Variants in CRCP observed in about 807,000 individuals in gnomAD.
CRCP encodes the protein DNA-directed RNA polymerase III subunit RPC9.
CRCP carries 18 observed loss-of-function variants against 18.5 expected under a neutral mutation model. That is an observed-to-expected ratio of 0.97 (90% CI 0.67 to 1.44). CRCP has a LOEUF of 1.44. CRCP is among the 40% of genes most tolerant of loss of function. The probability of loss-of-function intolerance (pLI) is 0.00; values close to 1 mark genes in which losing one functional copy is unlikely to be tolerated. For missense variants in CRCP, 130 were observed against 176.4 expected (o/e 0.74, Z 1.49); for synonymous variants, 53 against 62.9 (o/e 0.84, Z 0.75).
chr7:66,124,026 C>CA (rs1787536723), intron 1 of CRCP, among the ~76,000 whole-genome samples: 1 of 98,682 alleles, frequency 1.0e-5, no homozygotes, highest in Non-Finnish European at 1.8e-5. Flanking sequence ...GCCTGGGTGA[C>CA]AGAGTGAGAC....
At chr7:66,147,620 G>T (rs149311841) in intron 5 of CRCP, among the ~76,000 whole-genome samples, 5 of 152,296 alleles carry the variant, frequency 3.3e-5, no homozygotes, top group East Asian at 1.9e-4. Context: ...CTACAAAGTA[G>T]GTAGGCCTTG....
intron 3 of CRCP, among the ~76,000 whole-genome samples, chr7:66,133,287 C>T (rs1224449191): frequency 1.3e-5 from 2 of 152,008 alleles, no homozygotes; most frequent in East Asian, 1.9e-4. Context: ...GGGTGGATCA[C>T]GAGGTCAGGA....
chr7:66,138,796 A>C (rs981966540), intron 4 of CRCP, among the ~76,000 whole-genome samples: 3 of 151,630 alleles, frequency 2.0e-5, no homozygotes, highest in Non-Finnish European at 4.4e-5. Flanking sequence ...CCGTCTCAAA[A>C]AAAAAAAAAA....
At chr7:66,132,458 G>A (rs1011147271) in intron 3 of CRCP, among the ~76,000 whole-genome samples, 1 of 152,180 alleles carries the variant, frequency 6.6e-6, no homozygotes, top group African/African-American at 2.4e-5. Context: ...TTTTGAGGAA[G>A]AGTACCACAG....
chr7:66,135,463 C>T (rs2257790), intron 4 of CRCP, among the ~76,000 whole-genome samples: 16,169 of 151,994 alleles, frequency 0.11, 1,025 homozygotes, highest in South Asian at 0.2. Flanking sequence ...AAGTACTAAC[C>T]CTGGTTTGAA....
At position 66,147,341 on chromosome 7, in the gene CRCP, G is replaced by GA. The variant is rs11316310; in HGVS notation, c.297+1856dup. On this transcript the variant is annotated intron_variant, in intron 5 of 5. Coordinates refer to ENST00000395326, the MANE Select transcript of CRCP (RefSeq NM_014478.5). ...GTGACAGAGTGAGACTCCATCTTGG[G>GA]AAAAAAAAAAAAAAAGAGTGCATGG... Among the ~76,000 whole-genome samples, 604 of 139,796 alleles carry GA rather than the reference G, an allele frequency of 4.3e-3. 5 individuals carry two copies. Among genetic ancestry groups the GA allele is most frequent in the South Asian group, 0.024 (103 of 4,366 alleles). 91.7% of individuals were successfully genotyped at this position (139,796 alleles called of 152,430 possible).
At chr7:66,130,656 T>C in intron 2 of CRCP, 88 bp from the exon 3 acceptor site, 1 of 729,624 alleles carries the variant, frequency 1.4e-6, no homozygotes, top group Non-Finnish European at 2.3e-6. Flanking sequence ...AGTACTATAC[T>C]TTCCTGTTTA....
intron 2 of CRCP, chr7:66,130,023 A>G (rs746525673): frequency 3.6e-6 from 1 of 277,928 alleles, no homozygotes; most frequent in Non-Finnish European, 6.8e-6. Context: ...ACTCTGTCTT[A>G]TCACTTGCCT....
intron 4 of CRCP, among the ~76,000 whole-genome samples, chr7:66,138,300 A>T (rs926944090): frequency 1.3e-5 from 2 of 152,154 alleles, no homozygotes; most frequent in Non-Finnish European, 2.9e-5. Context: ...GCACTTTGGG[A>T]GGCTGAGGCG....
intron 1 of CRCP, among the ~76,000 whole-genome samples, chr7:66,123,638 C>T (rs1017733409): frequency 3.3e-5 from 5 of 151,830 alleles, no homozygotes; most frequent in Non-Finnish European, 5.9e-5. Flanking sequence ...ATACCAGCTA[C>T]TTGGGAGGCT....
At chr7:66,131,972 G>T (rs1486000970) in intron 3 of CRCP, among the ~76,000 whole-genome samples, 1 of 22,518 alleles carries the variant, frequency 4.4e-5, no homozygotes, top group Non-Finnish European at 8.6e-5. Context: ...TGTTGGTCAG[G>T]CGGGTATCAA....
intron 1 of CRCP, among the ~76,000 whole-genome samples, chr7:66,127,147 A>G (rs1330446542): frequency 6.6e-6 from 1 of 152,240 alleles, no homozygotes; most frequent in Non-Finnish European, 1.5e-5. Flanking sequence ...GCTTTCTGAT[A>G]TGCTATTGTA....
chr7:66,120,043 G>T (rs1235776340), intron 1 of CRCP, among the ~76,000 whole-genome samples: 1 of 151,974 alleles, frequency 6.6e-6, no homozygotes, highest in East Asian at 1.9e-4. Flanking sequence ...TTAGCTGGGC[G>T]CTGTGGCGGG....
At chr7:66,118,292 T>C (rs1313017655) in intron 1 of CRCP, among the ~76,000 whole-genome samples, 1 of 152,214 alleles carries the variant, frequency 6.6e-6, no homozygotes, top group Non-Finnish European at 1.5e-5. Context: ...TCTTGAAGGT[T>C]GTGTCCCTTT....
intron 1 of CRCP, among the ~76,000 whole-genome samples, chr7:66,127,244 C>T (rs924492013): frequency 9.8e-5 from 15 of 152,350 alleles, no homozygotes; most frequent in African/African-American, 3.4e-4. Flanking sequence ...TTAACTGTTA[C>T]ACAGGGAACC....
chr7:66,130,123 T>TTTTC (rs1554333068), intron 2 of CRCP: 24 of 318,534 alleles, frequency 7.5e-5, no homozygotes, highest in South Asian at 4.5e-4. Context: ...TTTTTTTTTT[T>TTTTC]CAGATGGAGT....
At chr7:66,115,958 C>T (rs921729397) in intron 1 of CRCP, among the ~76,000 whole-genome samples, 1 of 152,070 alleles carries the variant, frequency 6.6e-6, no homozygotes, top group African/African-American at 2.4e-5. Flanking sequence ...CATCACTCAC[C>T]GCTAATTTTT....
chr7:66,150,356 AGGGGGGG>A (rs1554334964), intron 5 of CRCP, among the ~76,000 whole-genome samples: 4 of 151,386 alleles, frequency 2.6e-5, no homozygotes, highest in Non-Finnish European at 4.4e-5. Context: ...ACAAGAGTGA[AGGGGGGG>A]AGTTGAAGAT....
rs147087119 is a variant in CRCP at position 66,152,248 on chromosome 7, T to C, written c.338T>C (p.Ile113Thr). ...ESEERLTEEQIEALLHTVTSI... is the reference protein window; with the variant it reads ...ESEERLTEEQTEALLHTVTSI... Reference sequence around the variant, plus strand: ...GAAGAGCGGCTCACGGAGGAGCAGATTGAAGCTCTTCTCCACACCGTCACC... The same window carrying C: ...GAAGAGCGGCTCACGGAGGAGCAGACTGAAGCTCTTCTCCACACCGTCACC... The change falls in exon 6 of 6, where the codon ATT becomes ACT. Residue 113 changes from isoleucine (I) to threonine (T), a missense_variant. Ile to Thr is a moderately conservative substitution (Grantham distance 89). Coordinates refer to ENST00000395326, the MANE Select transcript of CRCP (RefSeq NM_014478.5). The C allele has an allele frequency of 3.4e-4, 543 of 1,613,884 alleles. 1 individual carries two copies. The highest frequency in any genetic ancestry group is 4.3e-4 in the Non-Finnish European group (508 of 1,179,980).
Sources: allele counts gnomAD v4.1 joint callset (sites outside exome capture counted in the v4.1 genomes callset), GRCh38; gene constraint gnomAD v4.1.1; transcripts MANE v1.5; gene names NCBI Gene and HGNC (gene_info 2026-07-23, HGNC 2026-07-21).